ATP9A: variants seen among roughly 807,000 people sequenced by gnomAD.
ATP9A encodes probable phospholipid-transporting ATPase IIA.
A neutral mutation model predicts 144.1 loss-of-function variants in ATP9A; 52 were observed. That is an observed-to-expected ratio of 0.36 (90% CI 0.29 to 0.45). The LOEUF (loss-of-function observed/expected upper bound fraction) is 0.45. Ranked by LOEUF, ATP9A falls within the 20% of genes least tolerant of loss-of-function variation. The pLI is 1.00. For missense variants in ATP9A, 947 were observed against 1,392.7 expected (o/e 0.68, Z 5.09); for synonymous variants, 582 against 557.4 (o/e 1.04, Z -0.62).
At chr20:51,765,999 G>T (rs918584743) in intron 1 of ATP9A, among the ~76,000 whole-genome samples, 3 of 152,098 alleles carry the variant, frequency 2.0e-5, no homozygotes, top group Admixed American at 2.0e-4. Flanking sequence ...AATTCTAAAG[G>T]GGCTGTGATG....
In ATP9A at chr20:51,606,482, A is replaced by G. The variant is rs2077164085; in HGVS notation, c.2803+1045T>C. Among the ~76,000 whole-genome samples, 7 of 152,342 alleles carry G rather than the reference A, an allele frequency of 4.6e-5. No homozygotes were observed. The South Asian group carries it at 1.4e-3, about 32-fold the overall frequency. Reference sequence around the variant, plus strand: ...GAGGCTGAGGCAAGAGAATTGCTTGAGTCCAGGAGTTTGAGATCAGCCTGC... The same window carrying G: ...GAGGCTGAGGCAAGAGAATTGCTTGGGTCCAGGAGTTTGAGATCAGCCTGC... On this transcript the variant is annotated intron_variant, in intron 26 of 27. Coordinates refer to ENST00000338821, the MANE Select transcript of ATP9A (RefSeq NM_006045.3).
chr20:51,670,993 G>T, intron 12 of ATP9A, 122 bp downstream of exon 12: 1 of 1,072,336 alleles, frequency 9.3e-7, no homozygotes, highest in Non-Finnish European at 1.3e-6. Context: ...AAAGATGAAG[G>T]GAATAAAATA....
At chr20:51,702,644 T>C (rs1454079072) in intron 4 of ATP9A, among the ~76,000 whole-genome samples, 1 of 151,684 alleles carries the variant, frequency 6.6e-6, no homozygotes, top group African/African-American at 2.4e-5. Flanking sequence ...AAGTGAGGAA[T>C]CACTGGGCAT....
At position 51,658,891 on chromosome 20, in the gene ATP9A, G is replaced by GGGGGGT. The variant is rs2077399214; in HGVS notation, c.1294-1742_1294-1741insACCCCC. Among the ~76,000 whole-genome samples the GGGGGGT allele has an allele frequency of 5.5e-5, 3 of 54,206 alleles. 1 individual carries two copies. Among genetic ancestry groups the GGGGGGT allele is most frequent in the African/African-American group, 1.8e-4 (3 of 16,758 alleles). The allele number at this position is 54,206 out of a possible 152,430, so 35.6% of individuals were successfully genotyped here. A position where few individuals can be genotyped will look rare whatever the true frequency, so the allele number is the denominator to read the frequency against. On this transcript the variant is annotated intron_variant, in intron 13 of 27. Coordinates refer to ENST00000338821, the MANE Select transcript of ATP9A (RefSeq NM_006045.3). ...TAATGAAAATTAAGACCACTGGCGG[G>GGGGGGT]GGGGGGGGGGGGAAGGCTCATTGTT... is the stretch of plus-strand genomic sequence containing the variant.
intron 23 of ATP9A, 49 bp from the exon 24 acceptor site, chr20:51,610,214 C>G (rs1568783702): frequency 6.9e-7 from 1 of 1,450,028 alleles, no homozygotes; most frequent in East Asian, 2.3e-5. Flanking sequence ...GACAAAATCC[C>G]TTACATTTAC....
At chr20:51,663,612 G>A (rs947705315) in intron 13 of ATP9A, among the ~76,000 whole-genome samples, 51 of 151,950 alleles carry the variant, frequency 3.4e-4, no homozygotes, top group Non-Finnish European at 5.9e-4. Flanking sequence ...GGCTAACATG[G>A]TGAAACCCCA....
At chr20:51,628,923 G>T in intron 16 of ATP9A, 57 bp downstream of exon 16, 5 of 1,442,884 alleles carry the variant, frequency 3.5e-6, no homozygotes, top group Non-Finnish European at 4.9e-6. Flanking sequence ...CATGCAAGGG[G>T]CTGCCTCTGC....
chr20:51,608,084 A>G (rs918209624), intron 25 of ATP9A, among the ~76,000 whole-genome samples: 3 of 151,790 alleles, frequency 2.0e-5, no homozygotes, highest in African/African-American at 7.3e-5. Context: ...AATTAACATT[A>G]CATGGGAATA....
intron 4 of ATP9A, among the ~76,000 whole-genome samples, chr20:51,706,248 G>A (rs565682991): frequency 1.3e-5 from 2 of 152,328 alleles, no homozygotes; most frequent in South Asian, 4.1e-4. Context: ...CTGGCACATA[G>A]TAGGTAACTT....
intron 4 of ATP9A, among the ~76,000 whole-genome samples, chr20:51,704,672 C>T (rs1431288892): frequency 6.6e-6 from 1 of 151,938 alleles, no homozygotes; most frequent in Non-Finnish European, 1.5e-5. Flanking sequence ...CCCAGCTACT[C>T]GGGAGGCTGA....
At chr20:51,688,124 T>G (rs527844403) in intron 9 of ATP9A, among the ~76,000 whole-genome samples, 6 of 152,228 alleles carry the variant, frequency 3.9e-5, no homozygotes, top group South Asian at 4.1e-4. Context: ...GAGCATAATA[T>G]GAATAATAGT....
At chr20:51,602,495 T>C (rs933613349) in intron 27 of ATP9A, among the ~76,000 whole-genome samples, 6 of 152,210 alleles carry the variant, frequency 3.9e-5, no homozygotes, top group Non-Finnish European at 8.8e-5. Flanking sequence ...GAGCACATAC[T>C]AGGTCTCACA....
At chr20:51,668,875 C>G (rs935269194) in intron 13 of ATP9A, among the ~76,000 whole-genome samples, 5 of 152,188 alleles carry the variant, frequency 3.3e-5, no homozygotes, top group Non-Finnish European at 5.9e-5. Flanking sequence ...GGAAATCCAG[C>G]CCACTGACAA....
intron 22 of ATP9A, among the ~76,000 whole-genome samples, chr20:51,614,423 C>T (rs2077195356): frequency 6.6e-6 from 1 of 152,204 alleles, no homozygotes; most frequent in South Asian, 2.1e-4. Flanking sequence ...ACCTCAGCCT[C>T]CTGAGCAGCT....
chr20:51,658,994 G>A (rs546305772), intron 13 of ATP9A, among the ~76,000 whole-genome samples: 23 of 143,800 alleles, frequency 1.6e-4, no homozygotes, highest in African/African-American at 3.7e-4. Flanking sequence ...TCTTCCTCCC[G>A]TTCCCTCTGC....
intron 1 of ATP9A, among the ~76,000 whole-genome samples, chr20:51,754,441 T>C (rs2077847271): frequency 6.6e-6 from 1 of 151,382 alleles, no homozygotes; most frequent in Non-Finnish European, 1.5e-5. Flanking sequence ...AGGCGGAGGT[T>C]ATGGTGAGCT....
intron 7 of ATP9A, 119 bp downstream of exon 7, chr20:51,693,889 G>T: frequency 1.2e-6 from 1 of 845,800 alleles, no homozygotes; most frequent in Non-Finnish European, 1.9e-6. Context: ...AGGACCCCAC[G>T]CTCCCCTACT....
At chr20:51,744,862 G>A (rs1371470400) in intron 1 of ATP9A, among the ~76,000 whole-genome samples, 1 of 152,246 alleles carries the variant, frequency 6.6e-6, no homozygotes, top group African/African-American at 2.4e-5. Flanking sequence ...AGATATGGTG[G>A]CTCATGCCTG....
At chr20:51,653,162 A>C (rs1229443076) in intron 14 of ATP9A, among the ~76,000 whole-genome samples, 1 of 145,368 alleles carries the variant, frequency 6.9e-6, no homozygotes, top group African/African-American at 2.5e-5. Flanking sequence ...GAAGACACCA[A>C]AGGCCAAAGG....
Sources: gnomAD v4.1 joint callset for allele counts (sites outside exome capture counted in the v4.1 genomes callset) on GRCh38, gnomAD v4.1.1 for gene constraint, MANE v1.5 for transcripts, NCBI Gene and HGNC (gene_info 2026-07-23, HGNC 2026-07-21) for gene names.